FBXL13: variants seen among roughly 807,000 people sequenced by gnomAD.
The protein encoded by FBXL13 is F-box and leucine rich repeat protein 13, also known as F-box and leucine-rich repeat protein 13.
Under a neutral mutation model 83.6 loss-of-function variants are expected in FBXL13, and 67 were observed. The ratio of observed to expected loss-of-function variants is 0.80; its 90% CI spans 0.66 to 0.98. FBXL13 has a LOEUF of 0.98. Among genes scored for constraint, FBXL13 ranks in the 50% least tolerant of loss-of-function variants. The pLI is 0.00. For synonymous variants in FBXL13, 272 were observed against 299.5 expected (o/e 0.91, Z 0.95); for missense variants, 822 against 866.5 (o/e 0.95, Z 0.64).
intron 19 of FBXL13, among the ~76,000 whole-genome samples, chr7:102,817,241 CT>C (rs1254454500): frequency 5.3e-5 from 8 of 152,110 alleles, no homozygotes; most frequent in African/African-American, 1.9e-4. Flanking sequence ...AAAGCATTCC[CT>C]TTTTTCCACA....
chr7:102,886,671 TTGAG>T (rs1810838505), intron 11 of FBXL13, among the ~76,000 whole-genome samples: 1 of 152,166 alleles, frequency 6.6e-6, no homozygotes. Context: ...GATGAGATAA[TTGAG>T]TAATATTATT....
intron 6 of FBXL13, chr7:102,973,522 C>T: frequency 1.3e-6 from 1 of 764,096 alleles, no homozygotes; most frequent in South Asian, 1.3e-5. Flanking sequence ...CCTGCCTGCA[C>T]CCAGGCGCTC....
intron 2 of FBXL13, among the ~76,000 whole-genome samples, chr7:103,029,732 T>A (rs1378115676): frequency 6.6e-6 from 1 of 152,094 alleles, no homozygotes; most frequent in Non-Finnish European, 1.5e-5. Context: ...GAATTGCAGT[T>A]CTGCTGTTCA....
intron 18 of FBXL13, among the ~76,000 whole-genome samples, chr7:102,827,806 T>C (rs915352949): frequency 1.3e-5 from 2 of 152,168 alleles, no homozygotes; most frequent in African/African-American, 4.8e-5. Flanking sequence ...GATAGTTTGC[T>C]GAGAACAATG....
intron 2 of FBXL13, 71 bp downstream of exon 2, chr7:103,055,573 T>C (rs1390486889): frequency 8.2e-6 from 5 of 609,558 alleles, no homozygotes; most frequent in Non-Finnish European, 1.3e-5. Context: ...AGACCTTATT[T>C]TGTTACTATG....
At chr7:102,948,923 G>A (rs1265915193) in intron 8 of FBXL13, among the ~76,000 whole-genome samples, 1 of 152,118 alleles carries the variant, frequency 6.6e-6, no homozygotes, top group South Asian at 2.1e-4. Flanking sequence ...TGTTGGCCAG[G>A]CTGGGCTCAA....
At chr7:102,972,228 G>A (rs751878308) in intron 6 of FBXL13, among the ~76,000 whole-genome samples, 8 of 151,886 alleles carry the variant, frequency 5.3e-5, no homozygotes, top group Non-Finnish European at 1.0e-4. Context: ...TGAAAACGTG[G>A]GGGTAGAACA....
intron 10 of FBXL13, among the ~76,000 whole-genome samples, chr7:102,915,925 C>T (rs1168140585): frequency 6.6e-6 from 1 of 151,736 alleles, no homozygotes; most frequent in Non-Finnish European, 1.5e-5. Flanking sequence ...ACTGCTAATA[C>T]TTCTGTAGTT....
chr7:102,825,177 T>C (rs1799412515), intron 18 of FBXL13, among the ~76,000 whole-genome samples: 1 of 152,198 alleles, frequency 6.6e-6, no homozygotes, highest in Non-Finnish European at 1.5e-5. Flanking sequence ...TGGATTTGTA[T>C]GCTATGGTTT....
At chr7:103,041,738 T>C (rs1213792391) in intron 2 of FBXL13, among the ~76,000 whole-genome samples, 3 of 152,180 alleles carry the variant, frequency 2.0e-5, no homozygotes, top group Admixed American at 6.5e-5. Flanking sequence ...ATTATCTCAA[T>C]AGATGTAGAA....
At chr7:102,855,500 A>C (rs1805906750) in intron 16 of FBXL13, among the ~76,000 whole-genome samples, 1 of 152,104 alleles carries the variant, frequency 6.6e-6, no homozygotes, top group African/African-American at 2.4e-5. Flanking sequence ...ATTTACTGGC[A>C]CAACACTCAG....
At chr7:102,837,201 G>A (rs146117677) in intron 17 of FBXL13, among the ~76,000 whole-genome samples, 3 of 152,196 alleles carry the variant, frequency 2.0e-5, no homozygotes, top group Non-Finnish European at 4.4e-5. Context: ...AGTGGGACTG[G>A]TCATGGCCTG....
intron 2 of FBXL13, among the ~76,000 whole-genome samples, chr7:103,047,909 T>G (rs1475447607): frequency 6.6e-6 from 1 of 152,232 alleles, no homozygotes; most frequent in African/African-American, 2.4e-5. Context: ...TTAGCCGGGC[T>G]GGTCTCAAAC....
intron 9 of FBXL13, among the ~76,000 whole-genome samples, chr7:102,929,682 AAATT>A (rs1247095771): frequency 1.3e-5 from 2 of 151,370 alleles, no homozygotes; most frequent in African/African-American, 4.9e-5. Flanking sequence ...AAAAAAAAAA[AAATT>A]AATTAAGTTA....
intron 6 of FBXL13, among the ~76,000 whole-genome samples, chr7:103,010,231 G>C (rs1467335099): frequency 6.6e-6 from 1 of 151,686 alleles, no homozygotes; most frequent in Non-Finnish European, 1.5e-5. Flanking sequence ...GACAATGCCT[G>C]CTAGAGCTTT....
intron 18 of FBXL13, among the ~76,000 whole-genome samples, chr7:102,828,863 C>G (rs1191980248): frequency 6.6e-6 from 1 of 152,214 alleles, no homozygotes; most frequent in Non-Finnish European, 1.5e-5. Flanking sequence ...TGTGACCTGG[C>G]TCAATCACCT....
rs765102699 is a variant in FBXL13, at chr7:102,822,180, C to T, written c.1878G>A (p.Met626Ile). Residue 626 changes from methionine to isoleucine, a missense_variant, in exon 19 of 20, where the codon ATG becomes ATA. By Grantham distance (10) the Met-to-Ile change is conservative. Transcript: ENST00000313221. ...GCAGGTAATGGCATTTTGCCGATAA[C>T]ATCTCCATTGCTGAGTCAGTAATCT... The T allele has an allele frequency of 8.1e-6, 13 of 1,614,004 alleles. No individual in the cohort carries two copies. The highest frequency in any genetic ancestry group is 1.3e-5 in the African/African-American group (1 of 74,950).
At chr7:102,928,567 G>T (rs560450459) in intron 9 of FBXL13, among the ~76,000 whole-genome samples, 6 of 152,288 alleles carry the variant, frequency 3.9e-5, no homozygotes, top group Non-Finnish European at 8.8e-5. Context: ...AGACTTTGAT[G>T]TTCACAAATT....
chr7:102,830,729 G>A (rs963351494), intron 18 of FBXL13, among the ~76,000 whole-genome samples: 13 of 152,204 alleles, frequency 8.5e-5, no homozygotes, highest in African/African-American at 3.1e-4. Context: ...GGCATCTTGA[G>A]AGTTGGTGTG....
Sources: allele counts gnomAD v4.1 joint callset (sites outside exome capture counted in the v4.1 genomes callset), GRCh38; gene constraint gnomAD v4.1.1; transcripts MANE v1.5; gene names NCBI Gene and HGNC (gene_info 2026-07-23, HGNC 2026-07-21).